ATP6V1B2: variants seen among roughly 807,000 people sequenced by gnomAD.
The protein encoded by ATP6V1B2 is V-type proton ATPase subunit B, brain isoform.
Under a neutral mutation model 66.7 loss-of-function variants are expected in ATP6V1B2, and 23 were observed. That is an observed-to-expected ratio of 0.34 (90% CI 0.25 to 0.49). The LOEUF (loss-of-function observed/expected upper bound fraction) is 0.49. Ranked by LOEUF, ATP6V1B2 falls within the 20% of genes least tolerant of loss-of-function variation. ATP6V1B2 has a pLI of 0.99. For synonymous variants in ATP6V1B2, 278 were observed against 236.7 expected (o/e 1.17, Z -1.60); for missense variants, 478 against 650.8 (o/e 0.73, Z 2.89).
intron 3 of ATP6V1B2, 138 bp downstream of exon 3, chr8:20,209,669 C>T (rs2128885569): frequency 1.3e-6 from 1 of 789,318 alleles, no homozygotes; most frequent in Non-Finnish European, 2.0e-6. Context: ...GGGAAAGAAA[C>T]TATTATTGCA....
intron 6 of ATP6V1B2, 139 bp downstream of exon 6, chr8:20,211,455 T>C: frequency 7.5e-7 from 1 of 1,338,428 alleles, no homozygotes; most frequent in Non-Finnish European, 1.0e-6. Flanking sequence ...TTACCTCACA[T>C]CTTTATTTCT....
chr8:20,211,625 A>G (rs749036513), intron 6 of ATP6V1B2, 27 bp from the exon 7 acceptor site: 5 of 1,572,250 alleles, frequency 3.2e-6, no homozygotes, highest in African/African-American at 2.7e-5. Flanking sequence ...TTAGATTTCA[A>G]CTGAATTCTT....
intron 1 of ATP6V1B2, among the ~76,000 whole-genome samples, chr8:20,201,657 C>T (rs1286837884): frequency 6.6e-6 from 1 of 152,118 alleles, no homozygotes; most frequent in Non-Finnish European, 1.5e-5. Context: ...CAGTTAGAAG[C>T]CTGGCTCCCC....
intron 1 of ATP6V1B2, among the ~76,000 whole-genome samples, chr8:20,198,002 C>T (rs955004577): frequency 5.3e-5 from 8 of 152,334 alleles, no homozygotes; most frequent in South Asian, 4.1e-4. Context: ...GTAGAGCCTT[C>T]GCTGACGTGG....
At chr8:20,205,451 A>T (rs1411250986) in intron 2 of ATP6V1B2, among the ~76,000 whole-genome samples, 1 of 152,128 alleles carries the variant, frequency 6.6e-6, no homozygotes, top group African/African-American at 2.4e-5. Flanking sequence ...AGAGGCAGTT[A>T]GGGTGCTGTG....
chr8:20,197,551 C>T lies in ATP6V1B2; in HGVS notation c.136+9C>T, dbSNP rs983073208. ...CTCCCAGCCTCGCCTCAGTGAGTAT[C>T]AGAGAGTAATACGTCTCCGGTCTTT... is the stretch of plus-strand genomic sequence containing the variant. On this transcript the variant is annotated intron_variant, in intron 1 of 13. Transcript: ENST00000276390. 3 of 1,376,270 alleles carry T rather than the reference C, an allele frequency of 2.2e-6. No homozygotes were observed. The highest frequency in any genetic ancestry group is 1.5e-5 in the African/African-American group (1 of 66,768). 85.3% of individuals were successfully genotyped at this position (1,376,270 alleles called of 1,614,324 possible).
chr8:20,220,176 A>C (rs1019894846), intron 13 of ATP6V1B2, 87 bp from the exon 14 acceptor site: 1 of 1,439,820 alleles, frequency 6.9e-7, no homozygotes, highest in South Asian at 1.4e-5. Context: ...TATTTAATAC[A>C]CTGCTAGTCA....
At chr8:20,206,969 A>G (rs535269294) in intron 2 of ATP6V1B2, among the ~76,000 whole-genome samples, 4 of 152,340 alleles carry the variant, frequency 2.6e-5, no homozygotes, top group African/African-American at 9.6e-5. Context: ...TGATTAATGA[A>G]TCAGAAAACC....
In ATP6V1B2 at chr8:20,213,914, A is replaced by G. The variant is rs1258221153; in HGVS notation, c.928-904A>G. ...TAAAATGCAATAAAATTGAGTTATTAGAAAAGTGAAATTTTAACTATATAT... is the reference window on the plus strand; with the variant it reads ...TAAAATGCAATAAAATTGAGTTATTGGAAAAGTGAAATTTTAACTATATAT... On this transcript the variant is annotated intron_variant, in intron 9 of 13. Coordinates refer to ENST00000276390, the MANE Select transcript of ATP6V1B2 (RefSeq NM_001693.4). 2.6e-5 allele frequency: 4 copies of G among 152,230 alleles called. No homozygotes were observed. The East Asian group carries it at 7.7e-4, about 29-fold the overall frequency. 9.4% of individuals were successfully genotyped at this position (152,230 alleles called of 1,614,324 possible). A position where few individuals can be genotyped will look rare whatever the true frequency, so the allele number is the denominator to read the frequency against.
chr8:20,211,303 T>A lies in ATP6V1B2; in HGVS notation c.590T>A (p.Leu197Gln). 1 of 1,612,912 alleles carries A rather than the reference T, an allele frequency of 6.2e-7. No individual in the cohort carries two copies. Among genetic ancestry groups the A allele is most frequent in the East Asian group, 2.2e-5 (1 of 44,856 alleles). The stretch of plus-strand genomic sequence containing the variant: ...ATTCCTATCTTCTCTGCTGCTGGGC[T>A]ACCACACAATGAGGTGAGGACTGGG... Reference protein sequence around the residue: ...QKIPIFSAAGLPHNEIAAQIC... With the variant: ...QKIPIFSAAGQPHNEIAAQIC... Residue 197 changes from leucine (L) to glutamine (Q), a missense_variant, in exon 6 of 14, where the codon CTA (leucine) becomes CAA (glutamine). Physicochemically the swap from Leu to Gln is moderately radical, Grantham distance 113. Transcript: ENST00000276390.
At chr8:20,210,793 A>T (rs2072785951) in intron 5 of ATP6V1B2, 147 bp downstream of exon 5, 1 of 410,194 alleles carries the variant, frequency 2.4e-6, no homozygotes, top group Non-Finnish European at 4.0e-6. Flanking sequence ...TTATTATTTA[A>T]TTATATTTTC....
intron 1 of ATP6V1B2, among the ~76,000 whole-genome samples, chr8:20,202,103 C>T (rs2072693848): frequency 6.6e-6 from 1 of 152,130 alleles, no homozygotes; most frequent in African/African-American, 2.4e-5. Context: ...AAGTTTATTG[C>T]CTGGTGCGTT....
rs1199006860 is a variant in ATP6V1B2 at position 20,218,226 on chromosome 8, A to G, written c.1340A>G (p.Asp447Gly). The change falls in exon 13 of 14, where the codon GAT becomes GGT. Residue 447 changes from aspartate (D) to glycine (G), a missense_variant. This residue lies in a region of ATP6V1B2 where 326 missense variants were observed against 545.6 expected (regional missense o/e 0.60). Transcript: ENST00000276390. ...AVVGEEALTSDDLLYLEFLQK... is the reference protein window; with the variant it reads ...AVVGEEALTSGDLLYLEFLQK... The stretch of plus-strand genomic sequence containing the variant: ...GTTGGAGAAGAAGCCCTTACCTCAG[A>G]TGATCTTCTCTACTTGGAATTTCTG... The G allele has an allele frequency of 1.2e-6, 2 of 1,613,334 alleles. No homozygotes were observed. Among genetic ancestry groups the G allele is most frequent in the South Asian group, 2.2e-5 (2 of 91,068 alleles).
intron 2 of ATP6V1B2, among the ~76,000 whole-genome samples, chr8:20,207,734 G>C (rs1333965355): frequency 2.0e-5 from 3 of 150,814 alleles, no homozygotes; most frequent in African/African-American, 7.3e-5. Context: ...AAAAAAAAAA[G>C]TGTTAAAACT....
rs1045697448 is a variant in ATP6V1B2, at chr8:20,221,683, T to G, written c.*1281T>G. Reference sequence around the variant, plus strand: ...TATAAAATGAAAATAAATGTTAAATTAAATGGACCTTAACTAAAGTGACTC... The same window carrying G: ...TATAAAATGAAAATAAATGTTAAATGAAATGGACCTTAACTAAAGTGACTC... On this transcript the variant is annotated 3_prime_UTR_variant, in exon 14 of 14. Transcript: ENST00000276390. The G allele has an allele frequency of 6.6e-6, 1 of 152,616 alleles. No individual in the cohort carries two copies. The highest frequency in any genetic ancestry group is 2.4e-5 in the African/African-American group (1 of 41,442). The allele number at this position is 152,616 out of a possible 1,614,324, so 9.5% of individuals were successfully genotyped here. A position where few individuals can be genotyped will look rare whatever the true frequency, so the allele number is the denominator to read the frequency against.
At chr8:20,204,077 C>G in intron 1 of ATP6V1B2, 1 of 449,168 alleles carries the variant, frequency 2.2e-6, no homozygotes, top group East Asian at 6.9e-5. Flanking sequence ...TTACTTTTCT[C>G]CCTGAGGTGA....
intron 1 of ATP6V1B2, among the ~76,000 whole-genome samples, chr8:20,202,722 A>G (rs1421453157): frequency 6.6e-6 from 1 of 152,226 alleles, no homozygotes; most frequent in African/African-American, 2.4e-5. Context: ...CCTATAAAGG[A>G]GATACAATCT....
intron 2 of ATP6V1B2, among the ~76,000 whole-genome samples, chr8:20,208,699 T>C (rs1248613676): frequency 1.4e-5 from 2 of 146,614 alleles, no homozygotes; most frequent in Non-Finnish European, 3.0e-5. Flanking sequence ...AATTATTATT[T>C]AGTAACTTTC....
chr8:20,203,489 A>G (rs1035279389), intron 1 of ATP6V1B2, among the ~76,000 whole-genome samples: 1 of 152,234 alleles, frequency 6.6e-6, no homozygotes, highest in Admixed American at 6.5e-5. Flanking sequence ...GTGCAAGCTC[A>G]TTATAAGACC....
Sources: gnomAD v4.1 joint callset for allele counts (sites outside exome capture counted in the v4.1 genomes callset) on GRCh38, gnomAD v4.1.1 for gene constraint, gnomAD v4.1.1 regional missense constraint, MANE v1.5 for transcripts, NCBI Gene and HGNC (gene_info 2026-07-23, HGNC 2026-07-21) for gene names.